The following TLK1 variants were observed in gnomAD, a reference collection of about 807,000 sequenced individuals.
The protein encoded by TLK1 is tousled like kinase 1, also known as serine/threonine-protein kinase tousled-like 1.
TLK1 carries 24 observed loss-of-function variants against 105.3 expected under a neutral mutation model. The observed-to-expected ratio is 0.23, with a 90% CI of 0.17 to 0.32. The LOEUF (loss-of-function observed/expected upper bound fraction) is 0.32, where lower values mean the gene tolerates loss of function less well. TLK1 is among the 10% of genes least tolerant of loss of function. TLK1 has a pLI of 1.00. For synonymous variants in TLK1, 321 were observed against 310.4 expected (o/e 1.03, Z -0.36); for missense variants, 558 against 910.5 (o/e 0.61, Z 4.98).
At chr2:171,004,451 A>C (rs762038295) in intron 18 of TLK1, among the ~76,000 whole-genome samples, 8 of 152,218 alleles carry the variant, frequency 5.3e-5, no homozygotes, top group Non-Finnish European at 1.2e-4. Context: ...GACTGTAGAC[A>C]TAAACCAATT....
At chr2:171,227,568 C>CTTTTTGTTTTTT (rs1693921335) in intron 1 of TLK1, among the ~76,000 whole-genome samples, 1 of 55,500 alleles carries the variant, frequency 1.8e-5, no homozygotes, top group Non-Finnish European at 3.3e-5. Flanking sequence ...AGTAAATCTC[C>CTTTTTGTTTTTT]TTTTTTTTTT....
At chr2:171,011,762 G>A (rs1325679890) in intron 13 of TLK1, among the ~76,000 whole-genome samples, 23 of 152,046 alleles carry the variant, frequency 1.5e-4, no homozygotes, top group Admixed American at 1.5e-3. Context: ...AATCCTTTAT[G>A]TACTCAGCAA....
At chr2:171,009,859 G>A (rs1242131825) in intron 14 of TLK1, among the ~76,000 whole-genome samples, 2 of 152,186 alleles carry the variant, frequency 1.3e-5, no homozygotes, top group African/African-American at 4.8e-5. Flanking sequence ...AGTACGTAAT[G>A]AAGCACAAAG....
At chr2:171,099,521 T>C (rs1169249769) in intron 2 of TLK1, among the ~76,000 whole-genome samples, 4 of 152,148 alleles carry the variant, frequency 2.6e-5, no homozygotes, top group East Asian at 1.9e-4. Flanking sequence ...AAAAGTCATA[T>C]TGAAATGCAA....
chr2:171,154,238 C>T (rs1032589532), intron 1 of TLK1, among the ~76,000 whole-genome samples: 1 of 152,112 alleles, frequency 6.6e-6, no homozygotes, highest in African/African-American at 2.4e-5. Context: ...GGTTATACTG[C>T]CTCTTCAAGA....
At chr2:170,998,939 T>C (rs545584446) in intron 18 of TLK1, among the ~76,000 whole-genome samples, 4 of 152,288 alleles carry the variant, frequency 2.6e-5, no homozygotes, top group East Asian at 1.9e-4. Flanking sequence ...CAGCTAATAC[T>C]TTCTTCTTTG....
At chr2:171,096,880 T>C (rs1412094469) in intron 2 of TLK1, among the ~76,000 whole-genome samples, 8 of 152,088 alleles carry the variant, frequency 5.3e-5, no homozygotes, top group Non-Finnish European at 4.4e-5. Flanking sequence ...ATTGAAAGAA[T>C]TAATATTGTT....
intron 1 of TLK1, among the ~76,000 whole-genome samples, chr2:171,123,089 T>A (rs1248435043): frequency 1.8e-5 from 2 of 111,498 alleles, no homozygotes; most frequent in Non-Finnish European, 1.8e-5. Flanking sequence ...CACACACACT[T>A]CTTTTTTTAA....
At chr2:171,195,396 C>G (rs902053629) in intron 1 of TLK1, among the ~76,000 whole-genome samples, 24 of 149,718 alleles carry the variant, frequency 1.6e-4, no homozygotes, top group African/African-American at 4.9e-4. Flanking sequence ...CCAGCTACTC[C>G]GGAGGCTGAG....
intron 11 of TLK1, among the ~76,000 whole-genome samples, chr2:171,037,062 C>T (rs1686380148): frequency 6.6e-6 from 1 of 152,006 alleles, no homozygotes. Context: ...CTGCAGGAAA[C>T]TAGTCAAAGT....
intron 2 of TLK1, among the ~76,000 whole-genome samples, chr2:171,114,944 A>G (rs1164675952): frequency 6.6e-6 from 1 of 152,220 alleles, no homozygotes; most frequent in Non-Finnish European, 1.5e-5. Context: ...GTTTTAGCCC[A>G]TAAAACTAGT....
At chr2:171,048,968 G>T (rs1478885315) in intron 10 of TLK1, among the ~76,000 whole-genome samples, 1 of 152,194 alleles carries the variant, frequency 6.6e-6, no homozygotes, top group Non-Finnish European at 1.5e-5. Flanking sequence ...ACCACCATCT[G>T]AACTCAAGAA....
At chr2:171,136,112 C>T (rs1183006556) in intron 1 of TLK1, among the ~76,000 whole-genome samples, 6 of 152,128 alleles carry the variant, frequency 3.9e-5, no homozygotes, top group Non-Finnish European at 5.9e-5. Context: ...GTGGTACACA[C>T]GTACTATGGA....
intron 1 of TLK1, among the ~76,000 whole-genome samples, chr2:171,177,295 CCAT>C (rs757036324): frequency 2.2e-4 from 33 of 151,974 alleles, no homozygotes; most frequent in Non-Finnish European, 4.6e-4. Flanking sequence ...GCACACACCA[CCAT>C]GCCTGGCTAA....
At chr2:171,092,299 A>G in intron 2 of TLK1, among the ~76,000 whole-genome samples, 1 of 152,214 alleles carries the variant, frequency 6.6e-6, no homozygotes, top group East Asian at 1.9e-4. Context: ...AACGAAGTCA[A>G]ATGTCTTAAA....
chr2:171,022,125 A>ACACACACACACT (rs2105383930), intron 12 of TLK1, among the ~76,000 whole-genome samples: 1 of 151,104 alleles, frequency 6.6e-6, no homozygotes, highest in East Asian at 1.9e-4. Flanking sequence ...ACACACACAC[A>ACACACACACACT]CTGGGGAAGT....
chr2:171,085,402 G>GA (rs1010022613), intron 2 of TLK1, among the ~76,000 whole-genome samples: 21 of 148,360 alleles, frequency 1.4e-4, no homozygotes, highest in Non-Finnish European at 2.5e-4. Flanking sequence ...AAAAAAAAAA[G>GA]AAAAAAAAAT....
chr2:171,160,184 G>C lies in TLK1; in HGVS notation c.139+106C>G. 2 of 1,219,740 alleles carry C rather than the reference G, an allele frequency of 1.6e-6. No individual in the cohort carries two copies. Among genetic ancestry groups the C allele is most frequent in the Non-Finnish European group, 1.0e-6 (1 of 962,574 alleles). The allele number at this position is 1,219,740 out of a possible 1,614,324, so 75.6% of individuals were successfully genotyped here. On this transcript the variant is annotated intron_variant, in intron 1 of 20. Transcript: ENST00000431350. This position sits in a 1 kb window ranked among gnomAD's most constrained non-coding sequence, Gnocchi z 4.4. Reference sequence around the variant, plus strand: ...CACCTCGCCACCATCCCCCACCCCAGGGTCTGGCGGAGAAGCCCCGGGGCG... The same window carrying C: ...CACCTCGCCACCATCCCCCACCCCACGGTCTGGCGGAGAAGCCCCGGGGCG...
At chr2:171,134,425 T>C (rs1691222390) in intron 1 of TLK1, among the ~76,000 whole-genome samples, 2 of 152,300 alleles carry the variant, frequency 1.3e-5, no homozygotes, top group South Asian at 4.1e-4. Flanking sequence ...GAAAAGAAAG[T>C]ATTATTAAAA....
Sources: allele counts gnomAD v4.1 joint callset (sites outside exome capture counted in the v4.1 genomes callset), GRCh38; gene constraint gnomAD v4.1.1; non-coding constraint Gnocchi (gnomAD v3.1); transcripts MANE v1.5; gene names NCBI Gene and HGNC (gene_info 2026-07-23, HGNC 2026-07-21).